The following LARGE1 variants were observed in gnomAD, a reference collection of about 807,000 sequenced individuals.
LARGE1 encodes xylosyl- and glucuronyltransferase LARGE1.
Under a neutral mutation model 87.6 loss-of-function variants are expected in LARGE1, and 43 were observed. That is an observed-to-expected ratio of 0.49 (90% CI 0.38 to 0.63). The LOEUF (loss-of-function observed/expected upper bound fraction) is 0.63, where lower values mean the gene tolerates loss of function less well. LARGE1 is among the 30% of genes least tolerant of loss of function. LARGE1 has a pLI of 0.00. For synonymous variants in LARGE1, 434 were observed against 394.6 expected (o/e 1.10, Z -1.18); for missense variants, 802 against 1,000.2 (o/e 0.80, Z 2.67).
At chr22:33,304,116 T>G in intron 12 of LARGE1, 113 bp downstream of exon 12, 2 of 1,222,618 alleles carry the variant, frequency 1.6e-6, no homozygotes, top group East Asian at 2.5e-5. Flanking sequence ...TGCTGCCCCA[T>G]CTGGAAAAGA....
chr22:33,643,819 G>T (rs1602935995), intron 3 of LARGE1, among the ~76,000 whole-genome samples: 1 of 152,144 alleles, frequency 6.6e-6, no homozygotes, highest in East Asian at 1.9e-4. Flanking sequence ...TAGAAGAAAT[G>T]GATAAATTCC....
chr22:33,587,595 T>C (rs1020720632), intron 5 of LARGE1, among the ~76,000 whole-genome samples: 4 of 152,218 alleles, frequency 2.6e-5, no homozygotes, highest in African/African-American at 7.2e-5. Context: ...CAGCTCCTTA[T>C]GTATTACATG....
intron 6 of LARGE1, among the ~76,000 whole-genome samples, chr22:33,519,255 T>TGTGC (rs1555943837): frequency 6.6e-6 from 1 of 151,926 alleles, no homozygotes; most frequent in Non-Finnish European, 1.5e-5. Flanking sequence ...TGTGTGTGTG[T>TGTGC]GTGGTCACAT....
intron 10 of LARGE1, among the ~76,000 whole-genome samples, chr22:33,331,555 G>A (rs1435788589): frequency 1.3e-5 from 2 of 151,846 alleles, no homozygotes; most frequent in African/African-American, 4.8e-5. Flanking sequence ...TTACAGACAT[G>A]TGCCACCATG....
intron 11 of LARGE1, among the ~76,000 whole-genome samples, chr22:33,173,123 C>T (rs1568958868): frequency 6.6e-6 from 1 of 152,120 alleles, no homozygotes; most frequent in Non-Finnish European, 1.5e-5. Flanking sequence ...GGTCGGGTTG[C>T]CCACAAAGAG....
At chr22:33,734,786 G>A (rs2083596804) in intron 2 of LARGE1, among the ~76,000 whole-genome samples, 1 of 152,092 alleles carries the variant, frequency 6.6e-6, no homozygotes, top group Non-Finnish European at 1.5e-5. Flanking sequence ...TGTTTAAACT[G>A]GGAGAGTCGG....
intron 6 of LARGE1, among the ~76,000 whole-genome samples, chr22:33,544,558 G>A (rs1206906230): frequency 2.0e-5 from 3 of 152,052 alleles, no homozygotes; most frequent in Admixed American, 6.6e-5. Context: ...GTAGTGGTAC[G>A]CCTGTAATCC....
chr22:33,300,247 C>G (rs928932431), intron 12 of LARGE1, among the ~76,000 whole-genome samples: 1 of 152,170 alleles, frequency 6.6e-6, no homozygotes, highest in South Asian at 2.1e-4. Context: ...AGTTTGGTCA[C>G]CTGTAATGGT....
chr22:33,242,572 G>GT (rs1046250800), intron 11 of LARGE1, among the ~76,000 whole-genome samples: 3 of 151,798 alleles, frequency 2.0e-5, no homozygotes, highest in African/African-American at 4.8e-5. Flanking sequence ...TTTTCTTTCC[G>GT]TTTTTTTCAT....
chr22:33,515,824 G>A (rs1474420259), intron 6 of LARGE1, among the ~76,000 whole-genome samples: 2 of 152,122 alleles, frequency 1.3e-5, no homozygotes, highest in African/African-American at 2.4e-5. Flanking sequence ...AGGATGAGAG[G>A]TGACGAGTCC....
At chr22:33,191,187 G>T (rs888378569) in intron 11 of LARGE1, among the ~76,000 whole-genome samples, 4 of 152,084 alleles carry the variant, frequency 2.6e-5, no homozygotes, top group Non-Finnish European at 5.9e-5. Flanking sequence ...TGCCCATAGG[G>T]TTTCATTACA....
chr22:33,362,494 T>C (rs1362754096), intron 9 of LARGE1, among the ~76,000 whole-genome samples: 1 of 149,680 alleles, frequency 6.7e-6, no homozygotes, highest in Non-Finnish European at 1.5e-5. Context: ...AACCAACCTC[T>C]ACTTAGCACA....
intron 11 of LARGE1, among the ~76,000 whole-genome samples, chr22:33,199,790 G>T (rs1924276250): frequency 6.6e-6 from 1 of 151,644 alleles, no homozygotes; most frequent in Non-Finnish European, 1.5e-5. Flanking sequence ...GTCAGCATAT[G>T]AATTTTTGGA....
chr22:33,727,949 G>A lies in LARGE1; in HGVS notation c.106+33422C>T, dbSNP rs1451041329. Reference sequence around the variant, plus strand: ...AGGAGAGGTGAGATCAAAGGACTGGGGACAGGTAAGGGGTATTCAGGGGTC... The same window carrying A: ...AGGAGAGGTGAGATCAAAGGACTGGAGACAGGTAAGGGGTATTCAGGGGTC... On this transcript the variant is annotated intron_variant, in intron 2 of 14. Coordinates refer to ENST00000397394, the MANE Select transcript of LARGE1 (RefSeq NM_133642.5). 2.0e-5 allele frequency among the ~76,000 whole-genome samples: 3 copies of A among 152,232 alleles called. No individual in the cohort carries two copies. The East Asian group carries it at 5.8e-4, about 29-fold the overall frequency.
chr22:33,483,089 T>C (rs1057459067), intron 6 of LARGE1, among the ~76,000 whole-genome samples: 4 of 152,238 alleles, frequency 2.6e-5, no homozygotes, highest in African/African-American at 7.2e-5. Context: ...TTTACTATTA[T>C]CGTTTTCTTC....
chr22:33,282,477 A>G (rs1299842650), intron 13 of LARGE1, among the ~76,000 whole-genome samples: 1 of 152,168 alleles, frequency 6.6e-6, no homozygotes, highest in Non-Finnish European at 1.5e-5. Context: ...CTGGATCACT[A>G]CATGTAATGC....
intron 2 of LARGE1, among the ~76,000 whole-genome samples, chr22:33,714,455 A>G (rs2082853060): frequency 6.6e-6 from 1 of 152,250 alleles, no homozygotes; most frequent in African/African-American, 2.4e-5. Context: ...TAGTAGAATT[A>G]GATGACCAAA....
intron 7 of LARGE1, among the ~76,000 whole-genome samples, chr22:33,418,211 T>C (rs556329552): frequency 7.0e-4 from 107 of 152,294 alleles, no homozygotes; most frequent in African/African-American, 2.4e-3. Flanking sequence ...CCTCCCAAAG[T>C]GCTGGGATTA....
intron 6 of LARGE1, among the ~76,000 whole-genome samples, chr22:33,452,960 A>G (rs1280778669): frequency 6.6e-6 from 1 of 152,140 alleles, no homozygotes; most frequent in African/African-American, 2.4e-5. Context: ...GTGACGGAGG[A>G]TTGTTTGAAA....
Sources: allele counts gnomAD v4.1 joint callset (sites outside exome capture counted in the v4.1 genomes callset), GRCh38; gene constraint gnomAD v4.1.1; transcripts MANE v1.5; gene names NCBI Gene and HGNC (gene_info 2026-07-23, HGNC 2026-07-21).